The following HEATR5A variants were observed in gnomAD, a reference collection of about 807,000 sequenced individuals.
The protein encoded by HEATR5A is HEAT repeat containing 5A.
Under a neutral mutation model 218.8 loss-of-function variants are expected in HEATR5A, and 178 were observed. That is an observed-to-expected ratio of 0.81 (90% CI 0.72 to 0.92). HEATR5A has a LOEUF of 0.92. HEATR5A is among the 40% of genes least tolerant of loss of function. The pLI, the probability that HEATR5A is intolerant of heterozygous loss-of-function variation, is 0.00. For synonymous variants in HEATR5A, 864 were observed against 871.6 expected (o/e 0.99, Z 0.15); for missense variants, 2,420 against 2,418.9 (o/e 1.00, Z -0.01).
At chr14:31,373,717 A>G (rs550877542) in intron 12 of HEATR5A, among the ~76,000 whole-genome samples, 4 of 152,074 alleles carry the variant, frequency 2.6e-5, no homozygotes, top group Non-Finnish European at 4.4e-5. Context: ...TGTGAACTTC[A>G]AGGGTCTCTT....
Position 31,293,420 on chromosome 14 carries a change from A to T in HEATR5A, c.6026T>A (p.Leu2009His), listed in dbSNP as rs776361183. Residue 2009 changes from leucine to histidine, a missense_variant, in exon 36 of 36, where the codon CTT (leucine) becomes CAT (histidine). Coordinates refer to ENST00000543095, the MANE Select transcript of HEATR5A (RefSeq NM_015473.4). ...VASSPALKAR[L>H]EAAIKGNQES... ...CTGATTGCCCTTTATAGCAGCCTCA[A>T]GGCGGGCTTTTAGGGCTGGAGAAGA... The T allele has an allele frequency of 6.2e-7, 1 of 1,613,982 alleles. No homozygotes were observed. Among genetic ancestry groups the T allele is most frequent in the East Asian group, 2.2e-5 (1 of 44,884 alleles).
Position 31,394,152 on chromosome 14 carries a change from A to G in HEATR5A, c.672T>C (p.Phe224=), listed in dbSNP as rs1257463306. 5.9e-6 allele frequency: 9 copies of G among 1,534,934 alleles called. No individual in the cohort carries two copies. The highest frequency in any genetic ancestry group is 7.9e-6 in the Non-Finnish European group (9 of 1,145,828). ...TDLDSVATLC[F]KSFEGSNYDV... ...CATAATTGGAACCTTCAAAGGACTTAAAACACAGTGTGGCCACACTGTCCA... is the reference window on the plus strand; with the variant it reads ...CATAATTGGAACCTTCAAAGGACTTGAAACACAGTGTGGCCACACTGTCCA... The change falls in exon 6 of 36, where the codon TTT becomes TTC. Residue 224 remains phenylalanine (F), a synonymous_variant. Coordinates refer to ENST00000543095, the MANE Select transcript of HEATR5A (RefSeq NM_015473.4).
chr14:31,299,103 G>A (rs1899282927), intron 33 of HEATR5A, among the ~76,000 whole-genome samples: 2 of 152,062 alleles, frequency 1.3e-5, no homozygotes, highest in African/African-American at 4.8e-5. Context: ...GATTTCAATT[G>A]TCCCATAGGT....
intron 35 of HEATR5A, 73 bp from the exon 36 acceptor site, chr14:31,293,685 C>T (rs1351243420): frequency 2.9e-6 from 4 of 1,356,448 alleles, no homozygotes; most frequent in Non-Finnish European, 4.0e-6. Context: ...TGCACTTGAT[C>T]TGTATACATT....
At chr14:31,333,000 AAG>A (rs1409124557) in intron 22 of HEATR5A, among the ~76,000 whole-genome samples, 2 of 151,764 alleles carry the variant, frequency 1.3e-5, no homozygotes, top group Non-Finnish European at 2.9e-5. Context: ...AAAAAAAAAA[AAG>A]TTCAAATCAG....
At chr14:31,367,549 G>A (rs1477743289) in intron 13 of HEATR5A, among the ~76,000 whole-genome samples, 3 of 138,554 alleles carry the variant, frequency 2.2e-5, no homozygotes, top group Non-Finnish European at 4.6e-5. Flanking sequence ...ACAGCCATGT[G>A]CCACCACTAT....
intron 1 of HEATR5A, among the ~76,000 whole-genome samples, chr14:31,412,868 C>A (rs1353618446): frequency 2.0e-5 from 3 of 152,046 alleles, no homozygotes; most frequent in South Asian, 4.2e-4. Flanking sequence ...GAGCCAAACT[C>A]CATCTCAAAA....
chr14:31,309,715 T>C (rs1899674529), intron 28 of HEATR5A, among the ~76,000 whole-genome samples: 1 of 152,100 alleles, frequency 6.6e-6, no homozygotes, highest in African/African-American at 2.4e-5. Flanking sequence ...TTCTTAAATC[T>C]CTCTTAATTT....
Position 31,313,099 on chromosome 14 carries a change from C to T in HEATR5A, c.4310G>A (p.Cys1437Tyr). 6.2e-7 allele frequency: 1 copy of T among 1,613,858 alleles called. No individual in the cohort carries two copies. Among genetic ancestry groups the T allele is most frequent in the Non-Finnish European group, 8.5e-7 (1 of 1,179,766 alleles). ...CLEDGIRNGSCSSDGLLDLVY... is the reference protein window; with the variant it reads ...CLEDGIRNGSYSSDGLLDLVY... ...TAAGTCAAGCAGTCCATCTGATGAA[C>T]ATGATCCATTTCTGATACCGTCTTC... Residue 1437 changes from cysteine (C) to tyrosine (Y), a missense_variant, in exon 28 of 36, where the codon TGT (cysteine) becomes TAT (tyrosine). Cys to Tyr is a radical substitution (Grantham distance 194, BLOSUM62 -2). Transcript: ENST00000543095.
chr14:31,335,098 T>A (rs1165772399), intron 22 of HEATR5A, among the ~76,000 whole-genome samples: 1 of 152,184 alleles, frequency 6.6e-6, no homozygotes, highest in Non-Finnish European at 1.5e-5. Flanking sequence ...AGATGATGGT[T>A]AGCATCTTTT....
intron 25 of HEATR5A, 129 bp downstream of exon 25, chr14:31,321,370 G>T: frequency 1.7e-6 from 1 of 591,214 alleles, no homozygotes. Context: ...TGAACTCCTG[G>T]GCTCAAAGCT....
chr14:31,342,688 G>A (rs1014088749), intron 21 of HEATR5A, among the ~76,000 whole-genome samples: 9 of 152,166 alleles, frequency 5.9e-5, no homozygotes, highest in African/African-American at 1.7e-4. Context: ...AATGAAATGA[G>A]GACTGAAGGA....
chr14:31,395,468 C>T (rs1479780360), intron 4 of HEATR5A, 120 bp from the exon 5 acceptor site: 1 of 444,300 alleles, frequency 2.3e-6, no homozygotes, highest in African/African-American at 1.9e-5. Flanking sequence ...TACTAACCAA[C>T]CCATTATGAC....
chr14:31,322,818 A>T (rs1388837828), intron 24 of HEATR5A, among the ~76,000 whole-genome samples: 1 of 61,364 alleles, frequency 1.6e-5, no homozygotes, highest in Non-Finnish European at 4.1e-5. Flanking sequence ...AATGCTGTCT[A>T]AAAAAAAAAA....
intron 3 of HEATR5A, 97 bp from the exon 4 acceptor site, chr14:31,398,878 C>T (rs956079579): frequency 1.5e-6 from 1 of 669,756 alleles, no homozygotes; most frequent in Admixed American, 2.7e-5. Flanking sequence ...AAATATCCCC[C>T]ATTCTCTTGT....
chr14:31,301,104 A>G (rs1388370278), intron 33 of HEATR5A, among the ~76,000 whole-genome samples: 1 of 152,236 alleles, frequency 6.6e-6, no homozygotes, highest in African/African-American at 2.4e-5. Context: ...TTTTATATGT[A>G]AAATGAAATA....
rs1306285255 is a variant in HEATR5A, at chr14:31,417,380, G to C, written c.-75+3092C>G. Among the ~76,000 whole-genome samples the C allele has an allele frequency of 2.6e-5, 4 of 152,038 alleles. No homozygotes were observed. In the East Asian group the frequency reaches 7.7e-4, roughly 29 times the overall value. On this transcript the variant is annotated intron_variant, in intron 1 of 35. Transcript: ENST00000543095. ...GGGAGGCCATCCTGGCTAACACGGTGAAACCCTATCTCTACTAAAAAACAA... is the reference window on the plus strand; with the variant it reads ...GGGAGGCCATCCTGGCTAACACGGTCAAACCCTATCTCTACTAAAAAACAA...
Position 31,374,859 on chromosome 14 carries a change from A to G in HEATR5A, c.1818T>C (p.Phe606=). Residue 606 remains phenylalanine, a synonymous_variant, in exon 12 of 36, where the codon TTT becomes TTC. Transcript: ENST00000543095. ...GTCCTTCCAGGGTCACCTGCCATGT[A>G]AACGAATCTCCTCGGCTCTTTTCTG... is the stretch of plus-strand genomic sequence containing the variant. ...LETEKSRGDS[F]TWQVTLEGRA... 1 of 1,613,838 alleles carries G rather than the reference A, an allele frequency of 6.2e-7. No homozygotes were observed. Among genetic ancestry groups the G allele is most frequent in the Non-Finnish European group, 8.5e-7 (1 of 1,179,820 alleles).
intron 27 of HEATR5A, among the ~76,000 whole-genome samples, chr14:31,314,581 T>C (rs914688757): frequency 1.3e-5 from 2 of 151,962 alleles, no homozygotes; most frequent in Non-Finnish European, 2.9e-5. Flanking sequence ...TAAAATTTTA[T>C]ATAGAGATGG....
Sources: allele counts gnomAD v4.1 joint callset (sites outside exome capture counted in the v4.1 genomes callset), GRCh38; gene constraint gnomAD v4.1.1; transcripts MANE v1.5; gene names NCBI Gene and HGNC (gene_info 2026-07-23, HGNC 2026-07-21).